CDH12: variants seen among roughly 807,000 people sequenced by gnomAD.
CDH12 encodes cadherin-12.
In CDH12, 41 loss-of-function variants were observed where a neutral mutation model predicts 74.1. The observed-to-expected ratio is 0.55, with a 90% CI of 0.43 to 0.72. The LOEUF is 0.72. Among genes scored for constraint, CDH12 ranks in the 30% least tolerant of loss-of-function variants. The pLI is 0.00. For missense variants in CDH12, 945 were observed against 977.2 expected (o/e 0.97, Z 0.44); for synonymous variants, 399 against 355.0 (o/e 1.12, Z -1.39).
At chr5:21,975,732 G>A (rs2112890) in intron 5 of CDH12, among the ~76,000 whole-genome samples, 6 of 151,472 alleles carry the variant, frequency 4.0e-5, no homozygotes, top group Admixed American at 6.6e-5. Flanking sequence ...GAGGTGTTAC[G>A]AAGATCAGAA....
intron 3 of CDH12, among the ~76,000 whole-genome samples, chr5:22,381,673 A>G (rs1006266210): frequency 7.2e-5 from 11 of 151,974 alleles, no homozygotes; most frequent in Non-Finnish European, 1.5e-4. Context: ...ATAATACTCT[A>G]TATCATGGTT....
chr5:22,391,874 T>C (rs1742262978), intron 3 of CDH12, among the ~76,000 whole-genome samples: 1 of 152,144 alleles, frequency 6.6e-6, no homozygotes. Flanking sequence ...TTTTCATTAA[T>C]AATCAAGCTC....
At chr5:22,569,568 A>G (rs1739445945) in intron 1 of CDH12, among the ~76,000 whole-genome samples, 1 of 152,218 alleles carries the variant, frequency 6.6e-6, no homozygotes, top group Non-Finnish European at 1.5e-5. Flanking sequence ...ATACTGCTCT[A>G]TCAACTACGC....
At chr5:22,300,866 G>A (rs1282200166) in intron 3 of CDH12, among the ~76,000 whole-genome samples, 1 of 152,078 alleles carries the variant, frequency 6.6e-6, no homozygotes, top group Non-Finnish European at 1.5e-5. Context: ...TCTCTCAAAG[G>A]TTAAAACTAT....
At chr5:22,758,410 C>T (rs1306976791) in intron 1 of CDH12, among the ~76,000 whole-genome samples, 7 of 152,132 alleles carry the variant, frequency 4.6e-5, no homozygotes, top group Non-Finnish European at 1.0e-4. Flanking sequence ...CATGTGTCCT[C>T]GCTTGCCACC....
rs1255207461 is a variant in CDH12, at chr5:21,902,698, T to C, written c.527-47908A>G. Among the ~76,000 whole-genome samples, 9 of 152,302 alleles carry C rather than the reference T, an allele frequency of 5.9e-5. No homozygotes were observed. The East Asian group carries it at 9.6e-4, about 16-fold the overall frequency. Reference sequence around the variant, plus strand: ...CTGAACAATAACCACATGTGGCTATTTATCACTTTAAAAGAGACTAATATA... The same window carrying C: ...CTGAACAATAACCACATGTGGCTATCTATCACTTTAAAAGAGACTAATATA... On this transcript the variant is annotated intron_variant, in intron 6 of 14. Coordinates refer to ENST00000382254, the MANE Select transcript of CDH12 (RefSeq NM_004061.5).
intron 1 of CDH12, among the ~76,000 whole-genome samples, chr5:22,845,056 A>T (rs145800159): frequency 6.6e-6 from 1 of 152,242 alleles, no homozygotes; most frequent in East Asian, 1.9e-4. Context: ...TTAATTGTAG[A>T]CAACACGGGA....
chr5:22,349,645 GTT>G (rs1313339142), intron 3 of CDH12, among the ~76,000 whole-genome samples: 1 of 151,996 alleles, frequency 6.6e-6, no homozygotes, highest in African/African-American at 2.4e-5. Context: ...TCTTAAGATT[GTT>G]TGCTCACCCC....
intron 1 of CDH12, among the ~76,000 whole-genome samples, chr5:22,677,231 G>A (rs1741242252): frequency 1.3e-5 from 2 of 152,120 alleles, no homozygotes; most frequent in African/African-American, 4.8e-5. Flanking sequence ...CTCAAGGTAA[G>A]TGCCTTAGTC....
chr5:22,331,601 G>C (rs1057443090), intron 3 of CDH12, among the ~76,000 whole-genome samples: 1 of 152,156 alleles, frequency 6.6e-6, no homozygotes, highest in African/African-American at 2.4e-5. Flanking sequence ...ACCAGATATT[G>C]ATGAACATCT....
chr5:22,594,179 C>G lies in CDH12; in HGVS notation c.-522-88815G>C, dbSNP rs552370289. ...CAAATCTGATATTTGGCAGGTAGAG[C>G]CCTAAATTTTGAGCCTGGCATTAAG... On this transcript the variant is annotated intron_variant, in intron 1 of 14. Coordinates refer to ENST00000382254, the MANE Select transcript of CDH12 (RefSeq NM_004061.5). 3.9e-4 allele frequency among the ~76,000 whole-genome samples: 59 copies of G among 152,242 alleles called. 1 individual carries two copies. The South Asian group carries it at 0.012, about 31-fold the overall frequency.
At chr5:22,549,535 A>T (rs1738473410) in intron 1 of CDH12, among the ~76,000 whole-genome samples, 1 of 152,178 alleles carries the variant, frequency 6.6e-6, no homozygotes, top group African/African-American at 2.4e-5. Context: ...GTTAAATAAT[A>T]GAACAATATT....
rs957242575 is a variant in CDH12, at chr5:22,687,300, A to G, written c.-523+165758T>C. The stretch of plus-strand genomic sequence containing the variant: ...AGAGTGAAACTCCGTCTAAAAAAAA[A>G]AGAAAGAAATAAAAAAATGAAAAAT... On this transcript the variant is annotated intron_variant, in intron 1 of 14. Transcript: ENST00000382254. Among the ~76,000 whole-genome samples the G allele has an allele frequency of 1.4e-4, 21 of 152,344 alleles. No individual in the cohort carries two copies. In the East Asian group the frequency reaches 3.1e-3, roughly 22 times the overall value.
intron 5 of CDH12, among the ~76,000 whole-genome samples, chr5:22,063,845 C>T (rs1251335633): frequency 6.6e-6 from 1 of 152,074 alleles, no homozygotes; most frequent in African/African-American, 2.4e-5. Context: ...TGCCAGCGTA[C>T]TGCCTTTGGG....
intron 1 of CDH12, among the ~76,000 whole-genome samples, chr5:22,555,077 T>C (rs931119264): frequency 6.6e-6 from 1 of 152,054 alleles, no homozygotes; most frequent in Non-Finnish European, 1.5e-5. Flanking sequence ...ATTAGGAAGA[T>C]TAACTATAAA....
intron 2 of CDH12, among the ~76,000 whole-genome samples, chr5:22,444,618 T>C (rs1744748416): frequency 6.6e-6 from 1 of 151,930 alleles, no homozygotes; most frequent in South Asian, 2.1e-4. Context: ...ACATTCCAGT[T>C]GAGAAACACG....
At chr5:21,883,463 A>G in intron 6 of CDH12, 1 of 1,611,904 alleles carries the variant, frequency 6.2e-7, no homozygotes, top group Non-Finnish European at 8.5e-7. Context: ...TGAATAGGCT[A>G]AAGGTTGGTC....
chr5:22,502,038 T>C (rs1447273471), intron 2 of CDH12, among the ~76,000 whole-genome samples: 1 of 152,064 alleles, frequency 6.6e-6, no homozygotes, highest in South Asian at 2.1e-4. Flanking sequence ...TCCAAAACTT[T>C]CCATTTGTCG....
chr5:22,607,431 G>A (rs556671576), intron 1 of CDH12, among the ~76,000 whole-genome samples: 1 of 152,196 alleles, frequency 6.6e-6, no homozygotes, highest in Admixed American at 6.5e-5. Flanking sequence ...CATGGCAAGA[G>A]GCAAAAGGCA....
Sources: allele counts gnomAD v4.1 joint callset (sites outside exome capture counted in the v4.1 genomes callset), GRCh38; gene constraint gnomAD v4.1.1; transcripts MANE v1.5; gene names NCBI Gene and HGNC (gene_info 2026-07-23, HGNC 2026-07-21).